ANK2: variants seen among roughly 807,000 people sequenced by gnomAD.
ANK2 encodes ankyrin 2.
Under a neutral mutation model 360.5 loss-of-function variants are expected in ANK2, and 83 were observed. That is an observed-to-expected ratio of 0.23 (90% confidence interval 0.19 to 0.28). The LOEUF (loss-of-function observed/expected upper bound fraction) is 0.28, where lower values mean the gene tolerates loss of function less well. ANK2 is among the 10% of genes least tolerant of loss of function. ANK2 has a pLI of 1.00. For missense variants in ANK2, 4,201 were observed against 4,795.7 expected (o/e 0.88, Z 3.66); for synonymous variants, 1,740 against 1,759.5 (o/e 0.99, Z 0.28).
At position 113,373,079 on chromosome 4, in the gene ANK2, C is replaced by T. The variant is rs375448780; in HGVS notation, c.11611-11C>T. The T allele has an allele frequency of 1.2e-5, 20 of 1,612,340 alleles. No individual in the cohort carries two copies. The highest frequency in any genetic ancestry group is 1.7e-5 in the Non-Finnish European group (20 of 1,178,386). Reference sequence around the variant, plus strand: ...AAACACCACAGTGACCCTTTTCTCTCAACTGTTTAGGGAGACGATATGCCT... The same window carrying T: ...AAACACCACAGTGACCCTTTTCTCTTAACTGTTTAGGGAGACGATATGCCT... On this transcript the variant is annotated splice_polypyrimidine_tract_variant and intron_variant, in intron 43 of 45. Coordinates refer to ENST00000357077, the MANE Select transcript of ANK2 (RefSeq NM_001148.6).
the ANK2 span, among the ~76,000 whole-genome samples, chr4:112,730,033 A>C: frequency 6.6e-6 from 1 of 152,024 alleles, no homozygotes; most frequent in African/African-American, 2.4e-5. Context: ...ATGTTAGACA[A>C]AGGACATGAA....
intron 14 of ANK2, among the ~76,000 whole-genome samples, chr4:113,269,632 G>A (rs1007525543): frequency 3.9e-5 from 6 of 152,198 alleles, no homozygotes; most frequent in Non-Finnish European, 7.3e-5. Flanking sequence ...CCAGTGAGAT[G>A]AGCCAGATAC....
intron 1 of ANK2, among the ~76,000 whole-genome samples, chr4:113,094,696 C>T (rs553775034): frequency 2.5e-4 from 38 of 152,192 alleles, no homozygotes; most frequent in South Asian, 1.9e-3. Flanking sequence ...TATGTATAAA[C>T]CATAAAGCCA....
intron 2 of ANK2, among the ~76,000 whole-genome samples, chr4:113,035,695 A>G (rs2061441209): frequency 6.6e-6 from 1 of 151,920 alleles, no homozygotes; most frequent in African/African-American, 2.4e-5. Flanking sequence ...TGGAAATAAG[A>G]TTGGAGGAGA....
intron 2 of ANK2, among the ~76,000 whole-genome samples, chr4:112,916,985 A>C (rs1169769012): frequency 6.6e-6 from 1 of 152,224 alleles, no homozygotes; most frequent in Admixed American, 6.5e-5. Flanking sequence ...ATAAATGCTA[A>C]GGGAGCAGAG....
chr4:112,869,951 G>A (rs575361249), intron 1 of ANK2, among the ~76,000 whole-genome samples: 1 of 152,104 alleles, frequency 6.6e-6, no homozygotes, highest in African/African-American at 2.4e-5. Context: ...CGAAGTGCTG[G>A]GATTACAGCC....
At chr4:113,097,375 G>A (rs1251209060) in intron 1 of ANK2, among the ~76,000 whole-genome samples, 1 of 151,960 alleles carries the variant, frequency 6.6e-6, no homozygotes, top group African/African-American at 2.4e-5. Flanking sequence ...CCTTTTCTCT[G>A]AGTGAGTCCT....
the ANK2 span, among the ~76,000 whole-genome samples, chr4:112,784,719 G>A: frequency 1.3e-5 from 2 of 152,088 alleles, no homozygotes; most frequent in Admixed American, 6.6e-5. Context: ...AGAGGCATGA[G>A]CCACCATTTC....
intron 1 of ANK2, among the ~76,000 whole-genome samples, chr4:113,073,687 GAAAGA>G (rs2078705688): frequency 6.6e-6 from 1 of 152,108 alleles, no homozygotes; most frequent in Admixed American, 6.5e-5. Flanking sequence ...TTAAAAAGAA[GAAAGA>G]AAAGAAGGGA....
intron 4 of ANK2, among the ~76,000 whole-genome samples, chr4:113,218,090 T>G (rs2153476391): frequency 6.6e-6 from 1 of 152,332 alleles, no homozygotes; most frequent in African/African-American, 2.4e-5. Context: ...ATAGTAAGAC[T>G]TTCATTGTGC....
chr4:113,150,703 T>C (rs2097035729), intron 1 of ANK2, among the ~76,000 whole-genome samples: 1 of 152,084 alleles, frequency 6.6e-6, no homozygotes, highest in Non-Finnish European at 1.5e-5. Flanking sequence ...AAAAGTTAAG[T>C]CCTGAAGCAT....
chr4:112,801,721 A>G, the ANK2 span, among the ~76,000 whole-genome samples: 3 of 152,254 alleles, frequency 2.0e-5, no homozygotes, highest in South Asian at 6.2e-4. Context: ...AAAAAAGATG[A>G]GTGTGGTTTG....
intron 1 of ANK2, among the ~76,000 whole-genome samples, chr4:113,069,636 A>C (rs560316241): frequency 1.3e-5 from 2 of 152,332 alleles, no homozygotes; most frequent in East Asian, 3.9e-4. Flanking sequence ...TCATCTCTTT[A>C]TTGCACCATC....
intron 1 of ANK2, among the ~76,000 whole-genome samples, chr4:112,869,668 CTTATGATTA>C (rs542390776): frequency 1.7e-3 from 254 of 152,178 alleles, no homozygotes; most frequent in African/African-American, 5.9e-3. Context: ...GTTGCTTGTG[CTTATGATTA>C]TTATGATTAT....
At chr4:113,132,443 C>G (rs2096106089) in intron 1 of ANK2, among the ~76,000 whole-genome samples, 1 of 152,004 alleles carries the variant, frequency 6.6e-6, no homozygotes, top group East Asian at 1.9e-4. Flanking sequence ...AGGGATAGAT[C>G]CTTTTAATAA....
chr4:112,736,553 A>T, the ANK2 span, among the ~76,000 whole-genome samples: 1 of 152,150 alleles, frequency 6.6e-6, no homozygotes, highest in African/African-American at 2.4e-5. Context: ...TTGAGTCCAG[A>T]GAATCAGGTA....
At chr4:112,834,010 A>C (rs1314306851) in intron 1 of ANK2, among the ~76,000 whole-genome samples, 3 of 152,214 alleles carry the variant, frequency 2.0e-5, no homozygotes, top group Non-Finnish European at 4.4e-5. Context: ...AACATACTAC[A>C]TATGCTATTC....
At position 113,247,758 on chromosome 4, in the gene ANK2, C is replaced by T. The variant is rs144256703; in HGVS notation, c.892-2006C>T. 3.5e-3 allele frequency among the ~76,000 whole-genome samples: 540 copies of T among 152,264 alleles called. 2 individuals are homozygous for T. The highest frequency in any genetic ancestry group is 8.7e-3 in the Admixed American group (133 of 15,296). On this transcript the variant is annotated intron_variant, in intron 9 of 45. Coordinates refer to ENST00000357077, the MANE Select transcript of ANK2 (RefSeq NM_001148.6). ...GATTCACTGCAGGGTTCCATGGTTC[C>T]GAAGTCCACACACTGAACTGTTACA... is the stretch of plus-strand genomic sequence containing the variant.
At chr4:112,829,983 A>T (rs1293999433) in intron 1 of ANK2, among the ~76,000 whole-genome samples, 5 of 152,096 alleles carry the variant, frequency 3.3e-5, no homozygotes, top group East Asian at 3.8e-4. Context: ...AAAAAATAAA[A>T]AAAAAGTCAA....
Sources: gnomAD v4.1 joint callset for allele counts (sites outside exome capture counted in the v4.1 genomes callset) on GRCh38, gnomAD v4.1.1 for gene constraint, MANE v1.5 for transcripts, NCBI Gene and HGNC (gene_info 2026-07-23, HGNC 2026-07-21) for gene names.